The following DGKK variants were observed in gnomAD, a reference collection of about 807,000 sequenced individuals.
DGKK encodes the protein 142 kDa diacylglycerol kinase.
In DGKK, 35 loss-of-function variants were observed where a neutral mutation model predicts 92.2. That is an observed-to-expected ratio of 0.38 (90% CI 0.29 to 0.50). The LOEUF is 0.50. Ranked by LOEUF, DGKK falls within the 20% of genes least tolerant of loss-of-function variation. The pLI, the probability that DGKK is intolerant of heterozygous loss-of-function variation, is 0.92. For synonymous variants in DGKK, 368 were observed against 360.6 expected, an observed-to-expected ratio of 1.02 and a Z score of -0.23; for missense variants, 910 against 992.2, an observed-to-expected ratio of 0.92 and a Z score of 1.11.
intron 1 of DGKK, among the ~76,000 whole-genome samples, chrX:50,462,474 T>G (rs1286730933): frequency 1.9e-5 from 2 of 105,585 alleles, no homozygotes; most frequent in African/African-American, 3.5e-5. Context: ...TTCAATGGTG[T>G]TGGAGGGATT....
At chrX:50,445,179 T>G (rs190249518) in intron 1 of DGKK, among the ~76,000 whole-genome samples, 2 of 104,925 alleles carry the variant, frequency 1.9e-5, no homozygotes, top group Admixed American at 1.0e-4. Context: ...TGCCGGATAT[T>G]AGACCTTTGT....
At chrX:50,430,997 C>T (rs1557230223) in intron 1 of DGKK, among the ~76,000 whole-genome samples, 3 of 111,009 alleles carry the variant, frequency 2.7e-5, no homozygotes, top group African/African-American at 9.8e-5. Context: ...GTCCCTAAAG[C>T]TTCTACTATC....
intron 1 of DGKK, among the ~76,000 whole-genome samples, chrX:50,467,192 C>T (rs1454277456): frequency 8.9e-6 from 1 of 112,259 alleles, no homozygotes; most frequent in Non-Finnish European, 1.9e-5. Flanking sequence ...GACCATGGCT[C>T]ATTTCCTGGG....
chrX:50,424,156 G>A (rs1925675670), intron 2 of DGKK, 92 bp downstream of exon 2: 1 of 819,617 alleles, frequency 1.2e-6, no homozygotes, highest in Non-Finnish European at 1.7e-6. Context: ...CCTAATGTTT[G>A]CTGACATGTC....
intron 1 of DGKK, among the ~76,000 whole-genome samples, chrX:50,457,551 T>C (rs147049055): frequency 3.6e-5 from 4 of 112,123 alleles, no homozygotes; most frequent in Non-Finnish European, 7.5e-5. Flanking sequence ...TTTTGTAAGA[T>C]ACTTCGTATC....
chrX:50,401,233 TC>T, intron 7 of DGKK, 94 bp from the exon 8 acceptor site: 1 of 799,807 alleles, frequency 1.3e-6, no homozygotes, highest in Non-Finnish European at 1.8e-6. Flanking sequence ...AGATTTAGAT[TC>T]TTAGTATTTA....
In DGKK at chrX:50,376,158, C is replaced by A. The variant is rs1557223832; in HGVS notation, c.3280G>T (p.Asp1094Tyr). The change falls in exon 24 of 28, where the codon GAC (aspartate) becomes TAC (tyrosine). Residue 1094 changes from aspartate (D) to tyrosine (Y), a missense_variant. Coordinates refer to ENST00000611977, the MANE Select transcript of DGKK (RefSeq NM_001013742.4). ...LAENLISKLN[D>Y]LSKIHQHVSV... Reference sequence around the variant, plus strand: ...ACATGCTGGTGGATCTTGCTCAGGTCATTAAGTCTGTAATAAAGCAAGGAC... The same window carrying A: ...ACATGCTGGTGGATCTTGCTCAGGTAATTAAGTCTGTAATAAAGCAAGGAC... The A allele has an allele frequency of 2.5e-6, 3 of 1,209,847 alleles. No homozygotes were observed. In the Admixed American group the frequency reaches 6.5e-5, roughly 26 times the overall value.
intron 2 of DGKK, among the ~76,000 whole-genome samples, chrX:50,422,939 C>T (rs1257937066): frequency 8.9e-6 from 1 of 111,821 alleles, no homozygotes; most frequent in Non-Finnish European, 1.9e-5. Flanking sequence ...TTGCTAGTCC[C>T]ATCCAGTTTG....
chrX:50,419,366 G>T (rs1296160348), intron 4 of DGKK, among the ~76,000 whole-genome samples: 1 of 111,543 alleles, frequency 9.0e-6, no homozygotes, highest in African/African-American at 3.3e-5. Context: ...AGTAGGGATG[G>T]ATGGTTCTTC....
Position 50,401,152 on chromosome X carries a change from G to A in DGKK, c.1309-13C>T, listed in dbSNP as rs782113245. The A allele has an allele frequency of 3.5e-6, 4 of 1,157,169 alleles. No individual in the cohort carries two copies. Among genetic ancestry groups the A allele is most frequent in the Non-Finnish European group, 4.7e-6 (4 of 856,581 alleles). The stretch of plus-strand genomic sequence containing the variant: ...AGTCATCATGCACCTGAAACGACAA[G>A]AGAAGAGCAGAGAAAAAAAAGGAGG... On this transcript the variant is annotated splice_polypyrimidine_tract_variant and intron_variant, in intron 7 of 27. Coordinates refer to ENST00000611977, the MANE Select transcript of DGKK (RefSeq NM_001013742.4).
chrX:50,402,178 T>G (rs1557226725), intron 7 of DGKK, among the ~76,000 whole-genome samples: 2 of 111,251 alleles, frequency 1.8e-5, no homozygotes, highest in Non-Finnish European at 3.8e-5. Context: ...GAGGCCAAGG[T>G]AGGAGGATCA....
At chrX:50,422,885 A>T (rs1466684710) in intron 2 of DGKK, among the ~76,000 whole-genome samples, 1 of 112,280 alleles carries the variant, frequency 8.9e-6, no homozygotes, top group Non-Finnish European at 1.9e-5. Context: ...AGAGAAACAG[A>T]TTGTGATAAA....
At chrX:50,371,903 C>A (rs1276389465) in intron 25 of DGKK, 69 bp from the exon 26 acceptor site, 2 of 670,616 alleles carry the variant, frequency 3.0e-6, no homozygotes, top group South Asian at 2.8e-5. Flanking sequence ...CACTCTCCCC[C>A]ACTCCCAGTC....
At chrX:50,465,883 G>T (rs1454796702) in intron 1 of DGKK, among the ~76,000 whole-genome samples, 1 of 110,964 alleles carries the variant, frequency 9.0e-6, no homozygotes, top group Non-Finnish European at 1.9e-5. Flanking sequence ...GGAAATAAAA[G>T]GGTTAATAAT....
chrX:50,437,373 C>A (rs781812744), intron 1 of DGKK, among the ~76,000 whole-genome samples: 1 of 111,405 alleles, frequency 9.0e-6, no homozygotes, highest in Non-Finnish European at 1.9e-5. Flanking sequence ...GGCAAAAACA[C>A]CATCCAGATC....
chrX:50,445,878 G>C (rs369469537), intron 1 of DGKK, among the ~76,000 whole-genome samples: 2 of 111,125 alleles, frequency 1.8e-5, no homozygotes, highest in East Asian at 5.7e-4. Flanking sequence ...GGGCAGTGTG[G>C]TCATTTTAAT....
At chrX:50,444,219 G>A (rs1255755412) in intron 1 of DGKK, among the ~76,000 whole-genome samples, 5 of 111,499 alleles carry the variant, frequency 4.5e-5, no homozygotes, top group African/African-American at 1.3e-4. Context: ...CATGTTTAAT[G>A]TTAACAAAAA....
chrX:50,382,691 A>G, intron 17 of DGKK, 88 bp from the exon 18 acceptor site: 1 of 729,257 alleles, frequency 1.4e-6, no homozygotes, highest in Non-Finnish European at 2.0e-6. Context: ...TGCATGATGG[A>G]AAACCAGTGA....
chrX:50,447,337 TATATATTATATATATATATAATATA>T, intron 1 of DGKK, among the ~76,000 whole-genome samples: 1 of 24,598 alleles, frequency 4.1e-5, no homozygotes, highest in Non-Finnish European at 7.3e-5. Context: ...TATATATATA[TATATATTATATATATATATAATATA>T]TATATATTAT....
Sources: gnomAD v4.1 joint callset for allele counts (sites outside exome capture counted in the v4.1 genomes callset) on GRCh38, gnomAD v4.1.1 for gene constraint, MANE v1.5 for transcripts, NCBI Gene and HGNC (gene_info 2026-07-23, HGNC 2026-07-21) for gene names.